The following CNOT9 variants were observed in gnomAD, a reference collection of about 807,000 sequenced individuals.
CNOT9 encodes RCD1 required for cell differentiation1 homolog.
A neutral mutation model predicts 37.4 loss-of-function variants in CNOT9; 8 were observed. The observed-to-expected ratio is 0.21, with a 90% CI of 0.13 to 0.39. The LOEUF (loss-of-function observed/expected upper bound fraction) is 0.39, where lower values mean the gene tolerates loss of function less well. Ranked by LOEUF, CNOT9 falls within the 10% of genes least tolerant of loss-of-function variation. The pLI is 1.00. For missense variants in CNOT9, 154 were observed against 365.3 expected, an observed-to-expected ratio of 0.42 and a Z score of 4.71; for synonymous variants, 120 against 137.6, an observed-to-expected ratio of 0.87 and a Z score of 0.90.
chr2:218,584,591 G>A (rs572163532), intron 3 of CNOT9, 21 bp from the exon 4 acceptor site: 4 of 1,559,426 alleles, frequency 2.6e-6, no homozygotes, highest in Admixed American at 1.7e-5. Context: ...GGCTGTGAAT[G>A]TAATTATTGT....
At chr2:218,585,008 A>G (rs1694540008) in intron 4 of CNOT9, among the ~76,000 whole-genome samples, 1 of 152,172 alleles carries the variant, frequency 6.6e-6, no homozygotes, top group Admixed American at 6.6e-5. Flanking sequence ...AACTTGATTC[A>G]ATATATAAAG....
At position 218,587,641 on chromosome 2, in the gene CNOT9, A is replaced by G; in HGVS notation, c.486A>G (p.Glu162=). Residue 162 remains glutamate, a synonymous_variant, in exon 5 of 8, where the codon GAA becomes GAG. Coordinates refer to ENST00000273064, the MANE Select transcript of CNOT9 (RefSeq NM_005444.3). ...TAATCAACTTTTTATTAACAACAGA[A>G]ATTATCCCTTTATGTTTGCGAATTA... The part of the protein sequence containing the change: ...QEVINFLLTT[E]IIPLCLRIME... The G allele has an allele frequency of 6.2e-7, 1 of 1,609,866 alleles. No individual in the cohort carries two copies. Among genetic ancestry groups the G allele is most frequent in the African/African-American group, 1.3e-5 (1 of 74,900 alleles).
intron 1 of CNOT9, among the ~76,000 whole-genome samples, chr2:218,576,584 G>T (rs1048682026): frequency 7.2e-5 from 11 of 152,102 alleles, no homozygotes; most frequent in African/African-American, 2.4e-4. Flanking sequence ...TTCAGATTTT[G>T]TTGAACTACC....
chr2:218,592,944 G>A lies in CNOT9; in HGVS notation c.731+237G>A. ...TACTGTGAAATTCCAGAGAGTCTAG[G>A]CGATTCCAAAGGAAACCTTATGATG... On this transcript the variant is annotated intron_variant, in intron 7 of 7. Coordinates refer to ENST00000273064, the MANE Select transcript of CNOT9 (RefSeq NM_005444.3). This position sits in a 1 kb window ranked among gnomAD's most constrained non-coding sequence, Gnocchi z 4.1. 1.9e-6 allele frequency: 1 copy of A among 524,754 alleles called. No individual in the cohort carries two copies. The highest frequency in any genetic ancestry group is 3.4e-6 in the Non-Finnish European group (1 of 295,486). 32.5% of individuals were successfully genotyped at this position (524,754 alleles called of 1,614,324 possible).
chr2:218,586,244 G>A (rs1045001910), intron 4 of CNOT9, among the ~76,000 whole-genome samples: 1 of 152,058 alleles, frequency 6.6e-6, no homozygotes, highest in Non-Finnish European at 1.5e-5. Context: ...AAAATTTCAT[G>A]CTTTGAAACC....
intron 7 of CNOT9, chr2:218,593,534 A>G: frequency 6.7e-7 from 1 of 1,495,504 alleles, no homozygotes; most frequent in Non-Finnish European, 8.9e-7. Context: ...TTAGGTTTTC[A>G]GATTTGACTT....
rs372876112 is a variant in CNOT9, at chr2:218,569,087, C to G, written c.24+109C>G. ...GGTCCCTAGTCTGATTTTTTTCTGC[C>G]CTCAATCTCCAAGGCCCCGGTTCCC... On this transcript the variant is annotated intron_variant, in intron 1 of 7. Transcript: ENST00000273064. The G allele has an allele frequency of 5.5e-5, 67 of 1,223,100 alleles. 1 individual carries two copies. The East Asian group carries it at 8.0e-4, about 15-fold the overall frequency. The allele number at this position is 1,223,100 out of a possible 1,614,324, so 75.8% of individuals were successfully genotyped here. A position where few individuals can be genotyped will look rare whatever the true frequency, so the allele number is the denominator to read the frequency against.
At chr2:218,573,088 G>A (rs1341751231) in intron 1 of CNOT9, among the ~76,000 whole-genome samples, 1 of 152,174 alleles carries the variant, frequency 6.6e-6, no homozygotes, top group Non-Finnish European at 1.5e-5. Flanking sequence ...GGGAGGCTGA[G>A]GCAGGTGGAT....
chr2:218,593,670 C>T (rs1694850502), intron 7 of CNOT9: 15 of 1,291,054 alleles, frequency 1.2e-5, no homozygotes, highest in Non-Finnish European at 1.5e-5. Context: ...GAAGCAATTT[C>T]TGTAAAGACA....
chr2:218,592,507 T>G lies in CNOT9; in HGVS notation c.639+105T>G. The stretch of plus-strand genomic sequence containing the variant: ...TCAGTCCTCTGACTAGAACTAACAA[T>G]TTTGGAACCTTTTATGATTCTTGGA... On this transcript the variant is annotated intron_variant, in intron 6 of 7. Transcript: ENST00000273064. The surrounding 1 kb of genome is among the most constrained non-coding windows in gnomAD (Gnocchi z 4.1). 1 of 1,467,086 alleles carries G rather than the reference T, an allele frequency of 6.8e-7. No homozygotes were observed. Among genetic ancestry groups the G allele is most frequent in the South Asian group, 1.1e-5 (1 of 88,112 alleles). 90.9% of individuals were successfully genotyped at this position (1,467,086 alleles called of 1,614,324 possible).
intron 1 of CNOT9, chr2:218,572,680 T>C: frequency 1.0e-6 from 1 of 985,420 alleles, no homozygotes; most frequent in Non-Finnish European, 1.2e-6. Context: ...TATTCTGTAA[T>C]GGATGTTATG....
intron 1 of CNOT9, among the ~76,000 whole-genome samples, chr2:218,570,819 C>T (rs900899633): frequency 1.3e-5 from 2 of 152,150 alleles, no homozygotes; most frequent in African/African-American, 2.4e-5. Flanking sequence ...AATAAGTACT[C>T]AATACATGTT....
intron 1 of CNOT9, among the ~76,000 whole-genome samples, chr2:218,575,397 T>TC (rs1694134114): frequency 1.4e-5 from 2 of 142,320 alleles, no homozygotes; most frequent in Non-Finnish European, 3.2e-5. Flanking sequence ...CTTTTTTTTT[T>TC]TTTTTTTGAG....
intron 1 of CNOT9, among the ~76,000 whole-genome samples, chr2:218,577,279 AC>A (rs1446578062): frequency 5.3e-5 from 8 of 152,126 alleles, no homozygotes; most frequent in Non-Finnish European, 8.8e-5. Flanking sequence ...GGTGTAACTT[AC>A]TGCTGTTATT....
chr2:218,590,851 G>A (rs915815151), intron 5 of CNOT9, among the ~76,000 whole-genome samples: 3 of 151,698 alleles, frequency 2.0e-5, no homozygotes, highest in African/African-American at 4.8e-5. Context: ...TTAAGAGATG[G>A]GGTTTTCTCT....
chr2:218,584,757 C>T, intron 4 of CNOT9, 36 bp downstream of exon 4: 1 of 1,393,286 alleles, frequency 7.2e-7, no homozygotes, highest in Non-Finnish European at 1.0e-6. Flanking sequence ...GCCTGAAATA[C>T]TCACAGTAGT....
chr2:218,583,183 GAGAGAA>G, intron 3 of CNOT9, 97 bp downstream of exon 3: 1 of 774,162 alleles, frequency 1.3e-6, no homozygotes, highest in East Asian at 2.6e-5. Context: ...AGGAGAGAGA[GAGAGAA>G]CGTTTGTGTG....
intron 3 of CNOT9, 82 bp downstream of exon 3, chr2:218,583,168 C>A: frequency 2.6e-6 from 2 of 770,708 alleles, no homozygotes; most frequent in Non-Finnish European, 4.3e-6. Flanking sequence ...AAAGGAAGGG[C>A]ATGGAGGAGA....
intron 1 of CNOT9, among the ~76,000 whole-genome samples, chr2:218,570,449 T>G (rs1693949817): frequency 6.6e-6 from 1 of 152,252 alleles, no homozygotes; most frequent in South Asian, 2.1e-4. Flanking sequence ...CCTTTCATAC[T>G]GTTTCTAAGT....
Sources: gnomAD v4.1 joint callset for allele counts (sites outside exome capture counted in the v4.1 genomes callset) on GRCh38, gnomAD v4.1.1 for gene constraint, Gnocchi (gnomAD v3.1) non-coding constraint, MANE v1.5 for transcripts, NCBI Gene and HGNC (gene_info 2026-07-23, HGNC 2026-07-21) for gene names.